Variants in MSL2 observed in about 807,000 individuals in gnomAD.
The protein encoded by MSL2 is MSL complex subunit 2.
Under a neutral mutation model 35.8 loss-of-function variants are expected in MSL2, and 2 were observed. That is an observed-to-expected ratio of 0.06 (90% CI 0.02 to 0.18). MSL2 has a LOEUF of 0.18. Among genes scored for constraint, MSL2 ranks in the 10% least tolerant of loss-of-function variants. The pLI is 1.00. For synonymous variants in MSL2, 296 were observed against 255.7 expected (o/e 1.16, Z -1.50); for missense variants, 523 against 706.7 (o/e 0.74, Z 2.95).
At chr3:136,186,172 A>C (rs1940516966) in intron 1 of MSL2, among the ~76,000 whole-genome samples, 1 of 152,102 alleles carries the variant, frequency 6.6e-6, no homozygotes, top group South Asian at 2.1e-4. Flanking sequence ...GAACTAAGTG[A>C]CCTTTTGACT....
intron 1 of MSL2, chr3:136,153,138 G>A: frequency 1.2e-6 from 1 of 824,884 alleles, no homozygotes. Context: ...TATTCAGGAG[G>A]CTGAGGTGAT....
chr3:136,166,813 T>C (rs1939867691), intron 1 of MSL2, among the ~76,000 whole-genome samples: 2 of 152,208 alleles, frequency 1.3e-5, no homozygotes, highest in Admixed American at 1.3e-4. Context: ...TGGAAAACTC[T>C]TTAAATACAT....
chr3:136,161,017 G>A (rs1204061985), intron 1 of MSL2, among the ~76,000 whole-genome samples: 2 of 152,098 alleles, frequency 1.3e-5, no homozygotes, highest in South Asian at 2.1e-4. Flanking sequence ...AACCCGGGAG[G>A]CGGAGGTTGC....
At chr3:136,154,591 T>TCC (rs1230281800) in intron 1 of MSL2, among the ~76,000 whole-genome samples, 1 of 149,936 alleles carries the variant, frequency 6.7e-6, no homozygotes, top group Non-Finnish European at 1.5e-5. Context: ...ATGAGAAAAA[T>TCC]CCCCAAGTAT....
chr3:136,169,295 T>C (rs1260333426), intron 1 of MSL2, among the ~76,000 whole-genome samples: 2 of 141,354 alleles, frequency 1.4e-5, no homozygotes, highest in Non-Finnish European at 3.0e-5. Context: ...TTTTTGTGCA[T>C]ATGTATGGGG....
chr3:136,177,003 A>C (rs545251521), intron 1 of MSL2, among the ~76,000 whole-genome samples: 61 of 152,344 alleles, frequency 4.0e-4, no homozygotes, highest in Middle Eastern at 3.4e-3. Flanking sequence ...GCACAAGTTT[A>C]CCTTTGTGAG....
intron 1 of MSL2, among the ~76,000 whole-genome samples, chr3:136,187,050 C>G (rs1463146511): frequency 6.6e-6 from 1 of 152,088 alleles, no homozygotes; most frequent in Non-Finnish European, 1.5e-5. Flanking sequence ...TATTTTAGAT[C>G]CAAGGTTGGC....
intron 1 of MSL2, among the ~76,000 whole-genome samples, chr3:136,180,981 G>A (rs1179627785): frequency 6.7e-6 from 1 of 149,790 alleles, no homozygotes; most frequent in African/African-American, 2.5e-5. Context: ...GTGAAATTCT[G>A]ACTCTATTAA....
At chr3:136,191,575 T>C (rs763301793) in intron 1 of MSL2, among the ~76,000 whole-genome samples, 1 of 150,148 alleles carries the variant, frequency 6.7e-6, no homozygotes, top group Non-Finnish European at 1.5e-5. Flanking sequence ...AGCCTAGGAG[T>C]TCAAGACCTG....
chr3:136,177,836 G>A (rs1214373011), intron 1 of MSL2, among the ~76,000 whole-genome samples: 1 of 152,068 alleles, frequency 6.6e-6, no homozygotes, highest in Non-Finnish European at 1.5e-5. Context: ...CAATTTTACA[G>A]GGAAGTGGAG....
chr3:136,184,275 G>A (rs935108249), intron 1 of MSL2, among the ~76,000 whole-genome samples: 9 of 151,700 alleles, frequency 5.9e-5, no homozygotes, highest in Admixed American at 1.3e-4. Context: ...TAACCTGAAC[G>A]ACAGAGTGAG....
intron 1 of MSL2, among the ~76,000 whole-genome samples, chr3:136,189,445 C>T (rs1477840066): frequency 6.8e-6 from 1 of 146,882 alleles, no homozygotes; most frequent in South Asian, 2.2e-4. Flanking sequence ...TTCCCAGAGG[C>T]TGGGCGCAGT....
At chr3:136,169,983 G>GA (rs1241142575) in intron 1 of MSL2, among the ~76,000 whole-genome samples, 1 of 150,450 alleles carries the variant, frequency 6.6e-6, no homozygotes, top group Non-Finnish European at 1.5e-5. Flanking sequence ...CCCAGGAGGT[G>GA]AAAGATGCAG....
At chr3:136,194,286 C>A (rs1266459114) in intron 1 of MSL2, 3 of 338,852 alleles carry the variant, frequency 8.9e-6, no homozygotes, top group Non-Finnish European at 4.2e-6. Flanking sequence ...ATTAAAGTAT[C>A]CTACCCACCA....
intron 1 of MSL2, among the ~76,000 whole-genome samples, chr3:136,189,362 T>C (rs1940618052): frequency 7.1e-6 from 1 of 140,218 alleles, no homozygotes; most frequent in Non-Finnish European, 1.5e-5. Context: ...CTGAATTGTA[T>C]CTACCAAGAA....
chr3:136,149,625 C>T lies in MSL2; in HGVS notation c.*1522G>A, dbSNP rs941710879. On this transcript the variant is annotated 3_prime_UTR_variant, in exon 2 of 2. Transcript: ENST00000309993. ...AGAAAAAAAAGCCCAACAACAACAA[C>T]AAAAACAACTCTACCTGACCACATT... The T allele has an allele frequency of 9.8e-6, 1 of 102,460 alleles. No homozygotes were observed. The highest frequency in any genetic ancestry group is 1.9e-5 in the Non-Finnish European group (1 of 51,958). The allele number at this position is 102,460 out of a possible 1,614,324, so 6.3% of individuals were successfully genotyped here. A position where few individuals can be genotyped will look rare whatever the true frequency, so the allele number is the denominator to read the frequency against.
rs1206292673 is a variant in MSL2, at chr3:136,154,883, C to T, written c.143-2145G>A. Among the ~76,000 whole-genome samples the T allele has an allele frequency of 3.9e-5, 6 of 152,176 alleles. No homozygotes were observed. In the East Asian group the frequency reaches 1.2e-3, roughly 29 times the overall value. ...ACCAGCTTGGGCAAGACAGCAAGAC[C>T]CTGTCTCTAAAAAAAATTATAATAC... On this transcript the variant is annotated intron_variant, in intron 1 of 1. Coordinates refer to ENST00000309993, the MANE Select transcript of MSL2 (RefSeq NM_018133.4).
intron 1 of MSL2, among the ~76,000 whole-genome samples, chr3:136,160,677 C>G (rs369349407): frequency 2.6e-5 from 4 of 151,070 alleles, no homozygotes; most frequent in Admixed American, 2.0e-4. Context: ...CCATTGCACT[C>G]CAGCCTGGGA....
chr3:136,161,921 G>GA (rs112759131), intron 1 of MSL2, among the ~76,000 whole-genome samples: 292 of 151,252 alleles, frequency 1.9e-3, no homozygotes, highest in Middle Eastern at 3.4e-3. Flanking sequence ...GATAGGAAGG[G>GA]AAAAAAATAC....
Sources: gnomAD v4.1 joint callset for allele counts (sites outside exome capture counted in the v4.1 genomes callset) on GRCh38, gnomAD v4.1.1 for gene constraint, MANE v1.5 for transcripts, NCBI Gene and HGNC (gene_info 2026-07-23, HGNC 2026-07-21) for gene names.